The following PYGL variants were observed in gnomAD, a reference collection of about 807,000 sequenced individuals.
PYGL encodes glycogen phosphorylase, liver form.
Under a neutral mutation model 100.1 loss-of-function variants are expected in PYGL, and 90 were observed. That is an observed-to-expected ratio of 0.90 (90% CI 0.76 to 1.07). The LOEUF (loss-of-function observed/expected upper bound fraction) is 1.07. PYGL is among the 50% of genes least tolerant of loss of function. The pLI is 0.00. For missense variants in PYGL, 1,016 were observed against 1,057.6 expected (o/e 0.96, Z 0.55); for synonymous variants, 373 against 393.0 (o/e 0.95, Z 0.60).
intron 1 of PYGL, among the ~76,000 whole-genome samples, chr14:50,942,478 G>A (rs562271593): frequency 7.1e-6 from 1 of 140,374 alleles, no homozygotes; most frequent in South Asian, 2.5e-4. Context: ...TTTTTAATGA[G>A]AGGCGCAGTA....
At chr14:50,912,575 T>G (rs2050409634) in intron 13 of PYGL, among the ~76,000 whole-genome samples, 2 of 152,092 alleles carry the variant, frequency 1.3e-5, no homozygotes, top group Non-Finnish European at 2.9e-5. Context: ...ATGCCTGACC[T>G]CAGGTGATTC....
rs1566499314 is a variant in PYGL, at chr14:50,908,801, A to T, written c.2312+20T>A. The stretch of plus-strand genomic sequence containing the variant: ...CCCCTTTCATGATCCAAATAGCACC[A>T]TCTTCTTATGGGAACTCACCTGTCA... On this transcript the variant is annotated intron_variant, in intron 18 of 19. Coordinates refer to ENST00000216392, the MANE Select transcript of PYGL (RefSeq NM_002863.5). The T allele has an allele frequency of 6.5e-7, 1 of 1,545,420 alleles. No individual in the cohort carries two copies.
chr14:50,931,829 T>C, intron 3 of PYGL, 53 bp from the exon 4 acceptor site: 2 of 1,443,160 alleles, frequency 1.4e-6, no homozygotes, highest in Non-Finnish European at 2.0e-6. Context: ...TGAGCCAAAA[T>C]TTCCAGTCTT....
rs1352543965 is a variant in PYGL at position 50,935,094 on chromosome 14, C to A, written c.424+13G>T. The A allele has an allele frequency of 5.6e-6, 9 of 1,595,612 alleles. No individual in the cohort carries two copies. The highest frequency in any genetic ancestry group is 6.9e-6 in the Non-Finnish European group (8 of 1,163,222). On this transcript the variant is annotated intron_variant, in intron 3 of 19. Coordinates refer to ENST00000216392, the MANE Select transcript of PYGL (RefSeq NM_002863.5). Reference sequence around the variant, plus strand: ...TCGGCCAGACAATATAATACACTCACAATGTCACTTACCAGCAAGTCTCCC... The same window carrying A: ...TCGGCCAGACAATATAATACACTCAAAATGTCACTTACCAGCAAGTCTCCC...
intron 18 of PYGL, among the ~76,000 whole-genome samples, 185 bp from the exon 19 acceptor site, chr14:50,908,522 T>C (rs2050356440): frequency 6.6e-6 from 1 of 152,220 alleles, no homozygotes; most frequent in Non-Finnish European, 1.5e-5. Flanking sequence ...CATGTGAGAA[T>C]GTCATCACTG....
intron 9 of PYGL, among the ~76,000 whole-genome samples, chr14:50,916,372 CT>C (rs1160844283): frequency 1.3e-5 from 2 of 152,102 alleles, no homozygotes; most frequent in Non-Finnish European, 2.9e-5. Context: ...AATTTTTAAT[CT>C]TTTTCAACAC....
intron 1 of PYGL, among the ~76,000 whole-genome samples, chr14:50,939,376 T>G (rs943983269): frequency 6.6e-6 from 1 of 152,214 alleles, no homozygotes; most frequent in African/African-American, 2.4e-5. Context: ...TAAAGTCTAT[T>G]TACTGGCAAG....
chr14:50,936,373 G>C (rs1237835321), intron 2 of PYGL, among the ~76,000 whole-genome samples: 1 of 152,166 alleles, frequency 6.6e-6, no homozygotes, highest in Non-Finnish European at 1.5e-5. Flanking sequence ...TATCTTACGA[G>C]TTCAACCTTG....
intron 8 of PYGL, 44 bp downstream of exon 8, chr14:50,916,914 GTCAA>G (rs958180670): frequency 6.3e-7 from 1 of 1,599,528 alleles, no homozygotes; most frequent in African/African-American, 1.3e-5. Flanking sequence ...GGAAATCCCA[GTCAA>G]TCCCTCAGTG....
At chr14:50,923,021 C>T (rs1216824247) in intron 5 of PYGL, among the ~76,000 whole-genome samples, 1 of 152,236 alleles carries the variant, frequency 6.6e-6, no homozygotes, top group Non-Finnish European at 1.5e-5. Context: ...TCACTGGGTA[C>T]CAGTTTGGGG....
chr14:50,937,950 G>T (rs2050670171), intron 1 of PYGL, 113 bp from the exon 2 acceptor site: 14 of 938,660 alleles, frequency 1.5e-5, no homozygotes, highest in Non-Finnish European at 1.7e-6. Context: ...GCAGGACTAT[G>T]TCACCACAGG....
chr14:50,915,677 G>C (rs762032427), intron 10 of PYGL, 148 bp downstream of exon 10: 256 of 1,399,428 alleles, frequency 1.8e-4, no homozygotes, highest in Non-Finnish European at 2.4e-4. Context: ...CTTTCAAAAA[G>C]CTGCCTTTGT....
chr14:50,927,453 G>T (rs1476524744), intron 4 of PYGL, among the ~76,000 whole-genome samples: 1 of 152,128 alleles, frequency 6.6e-6, no homozygotes, highest in Non-Finnish European at 1.5e-5. Flanking sequence ...TTGAACTCCT[G>T]ACCTCAAGTG....
chr14:50,939,607 AC>A (rs1411741279), intron 1 of PYGL, among the ~76,000 whole-genome samples: 1 of 152,004 alleles, frequency 6.6e-6, no homozygotes, highest in African/African-American at 2.4e-5. Flanking sequence ...CCAGTGAGTA[AC>A]TTCATTGCCC....
chr14:50,934,981 T>C, intron 3 of PYGL, 126 bp downstream of exon 3: 3 of 848,280 alleles, frequency 3.5e-6, no homozygotes, highest in South Asian at 2.8e-5. Context: ...CAAATACATC[T>C]ACAACCAGGT....
chr14:50,939,462 T>C (rs1355661104), intron 1 of PYGL, among the ~76,000 whole-genome samples: 1 of 152,242 alleles, frequency 6.6e-6, no homozygotes, highest in Non-Finnish European at 1.5e-5. Context: ...CTCTATTGAC[T>C]TAGACATTAT....
At chr14:50,927,574 C>A (rs2050563259) in intron 4 of PYGL, among the ~76,000 whole-genome samples, 1 of 152,158 alleles carries the variant, frequency 6.6e-6, no homozygotes, top group African/African-American at 2.4e-5. Context: ...TTAATGCCAT[C>A]AAATGTTGGT....
At chr14:50,920,292 C>A (rs968770414) in intron 7 of PYGL, among the ~76,000 whole-genome samples, 2 of 152,170 alleles carry the variant, frequency 1.3e-5, no homozygotes, top group African/African-American at 4.8e-5. Flanking sequence ...AAATACATCT[C>A]AATAACTTCC....
At chr14:50,930,407 T>C (rs1234601167) in intron 4 of PYGL, among the ~76,000 whole-genome samples, 1 of 152,210 alleles carries the variant, frequency 6.6e-6, no homozygotes, top group Non-Finnish European at 1.5e-5. Flanking sequence ...AGGTCTCAAA[T>C]GAGAAATTAG....
Sources: gnomAD v4.1 joint callset for allele counts (sites outside exome capture counted in the v4.1 genomes callset) on GRCh38, gnomAD v4.1.1 for gene constraint, MANE v1.5 for transcripts, NCBI Gene and HGNC (gene_info 2026-07-23, HGNC 2026-07-21) for gene names.